The following PRDM16 variants were observed in gnomAD, a reference collection of about 807,000 sequenced individuals.
The protein encoded by PRDM16 is histone-lysine N-methyltransferase PRDM16.
A neutral mutation model predicts 110.6 loss-of-function variants in PRDM16; 23 were observed. The ratio of observed to expected loss-of-function variants is 0.21; its 90% confidence interval spans 0.15 to 0.29. The LOEUF is 0.29. PRDM16 is among the 10% of genes least tolerant of loss of function. PRDM16 has a pLI of 1.00. For synonymous variants in PRDM16, 799 were observed against 781.8 expected, an observed-to-expected ratio of 1.02 and a Z score of -0.37; for missense variants, 1,615 against 1,794.3, an observed-to-expected ratio of 0.90 and a Z score of 1.81.
intron 3 of PRDM16, among the ~76,000 whole-genome samples, chr1:3,354,020 C>T (rs922972302): frequency 1.3e-5 from 2 of 152,216 alleles, no homozygotes; most frequent in African/African-American, 4.8e-5. Context: ...TTCTCCTGCC[C>T]AGCCACGCCC....
intron 1 of PRDM16, among the ~76,000 whole-genome samples, chr1:3,116,087 G>A (rs1297789463): frequency 1.3e-5 from 2 of 152,204 alleles, no homozygotes; most frequent in African/African-American, 4.8e-5. Flanking sequence ...CACACGGCAG[G>A]CGTCAGGTTG....
chr1:3,406,064 A>G (rs1019615250), intron 8 of PRDM16, among the ~76,000 whole-genome samples: 4 of 152,218 alleles, frequency 2.6e-5, no homozygotes, highest in African/African-American at 7.2e-5. Flanking sequence ...CAGTCTCAGC[A>G]GACACCCACT....
rs1175064639 is a variant in PRDM16, at chr1:3,114,217, G to A, written c.37+44921G>A. Among the ~76,000 whole-genome samples the A allele has an allele frequency of 2.4e-3, 216 of 90,168 alleles. 1 individual carries two copies. The highest frequency in any genetic ancestry group is 3.1e-3 in the Non-Finnish European group (156 of 49,540). The allele number at this position is 90,168 out of a possible 152,430, so 59.2% of individuals were successfully genotyped here. A position where few individuals can be genotyped will look rare whatever the true frequency, so the allele number is the denominator to read the frequency against. On this transcript the variant is annotated intron_variant, in intron 1 of 16. Transcript: ENST00000270722. ...CGCACACGCACGCACACACGCACAC[G>A]AACACACACGCACACACGCAGTGTA...
intron 3 of PRDM16, among the ~76,000 whole-genome samples, chr1:3,366,271 G>T (rs1642814207): frequency 1.3e-5 from 2 of 152,226 alleles, no homozygotes. Context: ...GACTAGACAG[G>T]CTTGGCCAAA....
intron 10 of PRDM16, among the ~76,000 whole-genome samples, chr1:3,415,683 C>T (rs377223285): frequency 1.6e-4 from 24 of 152,320 alleles, no homozygotes; most frequent in Non-Finnish European, 2.8e-4. Flanking sequence ...CACCCAGGCC[C>T]GAGGAAGGGA....
chr1:3,393,572 C>T (rs1208658048), intron 4 of PRDM16, among the ~76,000 whole-genome samples: 1 of 152,192 alleles, frequency 6.6e-6, no homozygotes, highest in Non-Finnish European at 1.5e-5. Context: ...CAGGAGCCGG[C>T]GCAGGCTGGG....
intron 3 of PRDM16, among the ~76,000 whole-genome samples, chr1:3,301,984 T>C (rs1373546928): frequency 2.6e-5 from 4 of 152,198 alleles, no homozygotes; most frequent in African/African-American, 9.7e-5. Context: ...TTTGGCTACA[T>C]GAGAGTGCAG....
intron 3 of PRDM16, among the ~76,000 whole-genome samples, chr1:3,366,967 C>T (rs989053735): frequency 3.3e-5 from 5 of 152,058 alleles, no homozygotes; most frequent in Admixed American, 6.6e-5. Flanking sequence ...TGCTGACGAC[C>T]GGTTAAAGAT....
At position 3,425,855 on chromosome 1, in the gene PRDM16, C is replaced by T. The variant is rs1638588836; in HGVS notation, c.3109+105C>T. On this transcript the variant is annotated intron_variant, in intron 13 of 16. Transcript: ENST00000270722. The surrounding 1 kb of genome is among the most constrained non-coding windows in gnomAD (Gnocchi z 6.9). ...AGTGGGCGCCGGGCAGGGAAGAGGG[C>T]CACAGACTACCCCTCAGGAAGCCAA... 3.6e-6 allele frequency: 5 copies of T among 1,403,902 alleles called. No homozygotes were observed. The East Asian group carries it at 1.2e-4, about 33-fold the overall frequency. The allele number at this position is 1,403,902 out of a possible 1,614,324, so 87.0% of individuals were successfully genotyped here. A position where few individuals can be genotyped will look rare whatever the true frequency, so the allele number is the denominator to read the frequency against.
chr1:3,371,566 C>T (rs535562951), intron 3 of PRDM16, among the ~76,000 whole-genome samples: 1 of 151,922 alleles, frequency 6.6e-6, no homozygotes, highest in African/African-American at 2.4e-5. Flanking sequence ...CATCCACCCA[C>T]CCACTCACCC....
At chr1:3,371,204 TCCAC>T (rs59322933) in intron 3 of PRDM16, among the ~76,000 whole-genome samples, 89,950 of 138,732 alleles carry the variant, frequency 0.65, 28,475 homozygotes, top group South Asian at 0.77. Flanking sequence ...CATCCATCCA[TCCAC>T]CCACCCACCC....
intron 3 of PRDM16, among the ~76,000 whole-genome samples, chr1:3,335,214 C>T (rs1213668162): frequency 6.6e-6 from 1 of 152,196 alleles, no homozygotes. Context: ...TGAGAGGAAG[C>T]GTGTTTGGGG....
chr1:3,176,702 G>GTCCATCTATCCA (rs569704803), intron 1 of PRDM16, among the ~76,000 whole-genome samples: 6 of 140,084 alleles, frequency 4.3e-5, no homozygotes, highest in East Asian at 2.4e-4. Context: ...TCCACCATCT[G>GTCCATCTATCCA]TCCATCTATC....
intron 1 of PRDM16, among the ~76,000 whole-genome samples, chr1:3,100,824 G>C (rs1334435435): frequency 2.0e-5 from 3 of 152,172 alleles, no homozygotes; most frequent in Non-Finnish European, 2.9e-5. Flanking sequence ...CCATGAGAGT[G>C]GAAGGTGAGA....
At chr1:3,385,869 C>T (rs893744970) in intron 4 of PRDM16, among the ~76,000 whole-genome samples, 1 of 152,176 alleles carries the variant, frequency 6.6e-6, no homozygotes, top group Non-Finnish European at 1.5e-5. Context: ...CCTGCCACCT[C>T]GGGGCTGAGG....
At chr1:3,432,472 C>T (rs893584950) in intron 16 of PRDM16, among the ~76,000 whole-genome samples, 6 of 152,346 alleles carry the variant, frequency 3.9e-5, no homozygotes, top group African/African-American at 1.2e-4. Flanking sequence ...CTCCCTCCCT[C>T]TCTGATCTGG....
intron 3 of PRDM16, among the ~76,000 whole-genome samples, chr1:3,288,900 A>G (rs993589896): frequency 6.6e-6 from 1 of 152,152 alleles, no homozygotes; most frequent in African/African-American, 2.4e-5. Flanking sequence ...CACATTGACC[A>G]GTGCCTGCTG....
chr1:3,182,384 TG>T (rs1644221494), intron 1 of PRDM16, among the ~76,000 whole-genome samples: 2 of 152,200 alleles, frequency 1.3e-5, no homozygotes, highest in African/African-American at 2.4e-5. Flanking sequence ...TGTTGGCTGT[TG>T]GGCTCCTGTC....
chr1:3,180,878 A>C (rs1437286641), intron 1 of PRDM16, among the ~76,000 whole-genome samples: 1 of 150,980 alleles, frequency 6.6e-6, no homozygotes, highest in African/African-American at 2.4e-5. Context: ...TTACACACGC[A>C]GTCTTACACA....
Sources: allele counts gnomAD v4.1 joint callset (sites outside exome capture counted in the v4.1 genomes callset), GRCh38; gene constraint gnomAD v4.1.1; non-coding constraint Gnocchi (gnomAD v3.1); transcripts MANE v1.5; gene names NCBI Gene and HGNC (gene_info 2026-07-23, HGNC 2026-07-21).